Variants in SPTBN2 observed in about 807,000 individuals in gnomAD.
SPTBN2 encodes the protein spectrin beta, non-erythrocytic 2.
In SPTBN2, 107 loss-of-function variants were observed where a neutral mutation model predicts 284.2. The ratio of observed to expected loss-of-function variants is 0.38; its 90% CI spans 0.32 to 0.44. The LOEUF (loss-of-function observed/expected upper bound fraction) is 0.44, where lower values mean the gene tolerates loss of function less well. Among genes scored for constraint, SPTBN2 ranks in the 20% least tolerant of loss-of-function variants. The probability of loss-of-function intolerance (pLI) is 1.00; values close to 1 mark genes in which losing one functional copy is unlikely to be tolerated. For synonymous variants in SPTBN2, 1,289 were observed against 1,354.8 expected, an observed-to-expected ratio of 0.95 and a Z score of 1.07; for missense variants, 2,569 against 3,287.1, an observed-to-expected ratio of 0.78 and a Z score of 5.34.
Position 66,700,999 on chromosome 11 carries a change from C to T in SPTBN2, c.3100G>A (p.Val1034Met), listed in dbSNP as rs1941211717. Residue 1034 changes from valine (V) to methionine (M), a missense_variant, in exon 17 of 38, where the codon GTG becomes ATG. By Grantham distance (21) the Val-to-Met change is conservative (BLOSUM62 1). Around this residue, in one of 6 missense-constraint regions of SPTBN2, gnomAD observed 1,012 missense variants for 1,248.9 expected, o/e 0.81. Transcript: ENST00000533211. This position sits in a 1 kb window ranked among gnomAD's most constrained non-coding sequence, Gnocchi z 6.6. ...ALAAGHPAQAVAINARLREVQ... is the reference protein window; with the variant it reads ...ALAAGHPAQAMAINARLREVQ... ...TCTCTCAGCCGGGCGTTGATGGCCACTGCCTGAGCGGGATGGCCGGCAGCC... is the reference window on the plus strand; with the variant it reads ...TCTCTCAGCCGGGCGTTGATGGCCATTGCCTGAGCGGGATGGCCGGCAGCC... 1.4e-5 allele frequency: 22 copies of T among 1,607,774 alleles called. No individual in the cohort carries two copies. Among genetic ancestry groups the T allele is most frequent in the Non-Finnish European group, 1.8e-5 (21 of 1,179,816 alleles).
At chr11:66,699,630 C>G (rs1458891215) in intron 17 of SPTBN2, 22 bp from the exon 18 acceptor site, 2 of 1,612,898 alleles carry the variant, frequency 1.2e-6, no homozygotes, top group African/African-American at 2.7e-5. Flanking sequence ...GGATGACATT[C>G]AGCTCATTTT....
At chr11:66,704,551 AC>A in intron 15 of SPTBN2, 46 bp downstream of exon 15, 1 of 910,768 alleles carries the variant, frequency 1.1e-6, no homozygotes, top group Non-Finnish European at 1.6e-6. Context: ...TGGCCCCCCC[AC>A]CCCCACCTCC....
chr11:66,736,370 T>C (rs964786164), intron 1 of SPTBN2, among the ~76,000 whole-genome samples: 12 of 152,344 alleles, frequency 7.9e-5, no homozygotes, highest in South Asian at 2.1e-4. Flanking sequence ...CCAGCACTTA[T>C]TTATGGACGA....
At chr11:66,688,107 C>A in intron 32 of SPTBN2, 28 bp from the exon 33 acceptor site, 1 of 1,613,908 alleles carries the variant, frequency 6.2e-7, no homozygotes, top group South Asian at 1.1e-5. Flanking sequence ...AACACAGAAT[C>A]ATTAGTCCCT....
At chr11:66,739,143 G>A (rs1942877809) in intron 1 of SPTBN2, among the ~76,000 whole-genome samples, 1 of 151,724 alleles carries the variant, frequency 6.6e-6, no homozygotes, top group African/African-American at 2.4e-5. Flanking sequence ...GTCTCATTAT[G>A]TTGTCCAGGC....
rs1171346991 is a variant in SPTBN2, at chr11:66,683,624, CG to C, written c.*2246del. 1.3e-5 allele frequency among the ~76,000 whole-genome samples: 2 copies of C among 152,246 alleles called. No individual in the cohort carries two copies. The highest frequency in any genetic ancestry group is 2.9e-5 in the Non-Finnish European group (2 of 68,046). On this transcript the variant is annotated 3_prime_UTR_variant, in exon 38 of 38. Transcript: ENST00000533211. ...TGCTGCCGCATATGCAGATGCTGCT[CG>C]GGGTCTTCAGTCTCACCTCTCCGTT...
Position 66,688,718 on chromosome 11 carries a change from C to G in SPTBN2, c.6166G>C (p.Glu2056Gln), listed in dbSNP as rs774407429. 1.2e-6 allele frequency: 2 copies of G among 1,613,866 alleles called. No homozygotes were observed. Among genetic ancestry groups the G allele is most frequent in the Non-Finnish European group, 8.5e-7 (1 of 1,180,024 alleles). ...DEVESLIKRH[E>Q]AFQKSAVAWE... is the part of the protein sequence containing the mutation. ...GCCACTGCTGACTTCTGGAAGGCCT[C>G]GTGCCGCTTGATGAGGCTCTCAACT... The change falls in exon 31 of 38, where the codon GAG (glutamate) becomes CAG (glutamine). Residue 2056 changes from glutamate to glutamine, a missense_variant. By Grantham distance (29) the Glu-to-Gln change is conservative (BLOSUM62 2). Transcript: ENST00000533211.
Position 66,698,633 on chromosome 11 carries a change from G to A in SPTBN2, c.4014+6C>T, listed in dbSNP as rs760757870. ...GCCCAGAGGCAGCCCCCACAGCACT[G>A]CTCACCTTGTCCACCTTGTCCAGCC... is the stretch of plus-strand genomic sequence containing the variant. On this transcript the variant is annotated splice_donor_region_variant and intron_variant, in intron 20 of 37. Transcript: ENST00000533211. 5 of 1,614,100 alleles carry A rather than the reference G, an allele frequency of 3.1e-6. No homozygotes were observed. In the East Asian group the frequency reaches 8.9e-5, roughly 29 times the overall value.
Position 66,689,791 on chromosome 11 carries a change from C to CA in SPTBN2, c.5949+13dup. ...GCACAGTGAGAATGGCCCGGCCACC[C>CA]AGGCCTCACCCACCTCCTCGGCCGC... On this transcript the variant is annotated intron_variant, in intron 29 of 37. Coordinates refer to ENST00000533211, the MANE Select transcript of SPTBN2 (RefSeq NM_006946.4). The CA allele has an allele frequency of 1.2e-6, 2 of 1,612,894 alleles. No individual in the cohort carries two copies. Among genetic ancestry groups the CA allele is most frequent in the Non-Finnish European group, 1.7e-6 (2 of 1,180,042 alleles).
At position 66,708,021 on chromosome 11, in the gene SPTBN2, T is replaced by C; in HGVS notation, c.1350+120A>G. 1 of 1,536,540 alleles carries C rather than the reference T, an allele frequency of 6.5e-7. No individual in the cohort carries two copies. Among genetic ancestry groups the C allele is most frequent in the Non-Finnish European group, 8.9e-7 (1 of 1,117,708 alleles). ...CCCCTGGCTCCCGGACCTCTAGGCC[T>C]TTTTACCCAGGTGACGGATTTTGTG... is the stretch of plus-strand genomic sequence containing the variant. On this transcript the variant is annotated intron_variant, in intron 12 of 37. Transcript: ENST00000533211. This position sits in a 1 kb window ranked among gnomAD's most constrained non-coding sequence, Gnocchi z 4.4.
chr11:66,687,625 G>A lies in SPTBN2; in HGVS notation c.6524C>T (p.Ala2175Val), dbSNP rs562970564. The part of the protein sequence containing the change: ...EGPGPGSGDE[A>V]NGPRGERQTR... Reference sequence around the variant, plus strand: ...CTGCCTCTCTCCCCGGGGCCCATTGGCTTCGTCCCCTGAGCCAGGTCCCTG... The same window carrying A: ...CTGCCTCTCTCCCCGGGGCCCATTGACTTCGTCCCCTGAGCCAGGTCCCTG... Residue 2175 changes from alanine to valine, a missense_variant, in exon 35 of 38, where the codon GCC becomes GTC. By Grantham distance (64) the Ala-to-Val change is moderately conservative. Transcript: ENST00000533211. This position sits in a 1 kb window ranked among gnomAD's most constrained non-coding sequence, Gnocchi z 5.2. The A allele has an allele frequency of 6.2e-7, 1 of 1,601,052 alleles. No homozygotes were observed. Among genetic ancestry groups the A allele is most frequent in the African/African-American group, 1.3e-5 (1 of 74,770 alleles).
In SPTBN2 at chr11:66,687,226, C is replaced by G; in HGVS notation, c.6723-59G>C. On this transcript the variant is annotated intron_variant, in intron 35 of 37. Coordinates refer to ENST00000533211, the MANE Select transcript of SPTBN2 (RefSeq NM_006946.4). The surrounding 1 kb of genome is among the most constrained non-coding windows in gnomAD (Gnocchi z 5.2). The stretch of plus-strand genomic sequence containing the variant: ...AGTGGCGCCCGCAACCTGGAGCCCT[C>G]TTGGGTGTCCTAGGACTTCCAGTTC... 6.2e-7 allele frequency: 1 copy of G among 1,603,756 alleles called. No individual in the cohort carries two copies. Among genetic ancestry groups the G allele is most frequent in the South Asian group, 1.1e-5 (1 of 90,450 alleles).
Position 66,690,035 on chromosome 11 carries a change from T to C in SPTBN2, c.5810+4A>G, listed in dbSNP as rs377015059. The stretch of plus-strand genomic sequence containing the variant: ...GTGGAGGCCCTGAGCCCTGGGATTC[T>C]CACCGGGGACGCTCCTGGGCATCCA... On this transcript the variant is annotated splice_donor_region_variant and intron_variant, in intron 28 of 37. Transcript: ENST00000533211. 6.2e-7 allele frequency: 1 copy of C among 1,614,114 alleles called. No homozygotes were observed. The highest frequency in any genetic ancestry group is 1.7e-5 in the Admixed American group (1 of 60,018).
At chr11:66,730,668 A>T (rs1942796600), upstream of SPTBN2, among the ~76,000 whole-genome samples, 1 of 152,184 alleles carries the variant, frequency 6.6e-6, no homozygotes, top group Non-Finnish European at 1.5e-5. Context: ...GGTTACGGGA[A>T]CTAAGGGTCT....
chr11:66,742,014 C>A (rs1371111151), intron 1 of SPTBN2, among the ~76,000 whole-genome samples: 2 of 152,012 alleles, frequency 1.3e-5, no homozygotes, highest in African/African-American at 2.4e-5. Flanking sequence ...TAGAGACAGG[C>A]TGTCACTATA....
intron 3 of SPTBN2, among the ~76,000 whole-genome samples, chr11:66,719,412 C>CT (rs1204333654): frequency 6.6e-6 from 1 of 152,228 alleles, no homozygotes; most frequent in Non-Finnish European, 1.5e-5. Flanking sequence ...CTACACTTGC[C>CT]CTTCCTCATC....
chr11:66,698,622 C>T lies in SPTBN2; in HGVS notation c.4014+17G>A. 1.9e-6 allele frequency: 3 copies of T among 1,614,082 alleles called. No individual in the cohort carries two copies. Among genetic ancestry groups the T allele is most frequent in the South Asian group, 2.2e-5 (2 of 91,078 alleles). ...TGGGGGACTCTGCCCAGAGGCAGCC[C>T]CCACAGCACTGCTCACCTTGTCCAC... is the stretch of plus-strand genomic sequence containing the variant. On this transcript the variant is annotated intron_variant, in intron 20 of 37. Transcript: ENST00000533211.
Position 66,684,817 on chromosome 11 carries a change from G to A in SPTBN2, c.*1054C>T, listed in dbSNP as rs1940007186. 6.6e-6 allele frequency among the ~76,000 whole-genome samples: 1 copy of A among 152,030 alleles called. No individual in the cohort carries two copies. Among genetic ancestry groups the A allele is most frequent in the South Asian group, 2.1e-4 (1 of 4,828 alleles). ...CTACTGGAGAGCAGACGGCAAGTGGGGGCAGTAAGCACCCGCTGTGTGCTC... is the reference window on the plus strand; with the variant it reads ...CTACTGGAGAGCAGACGGCAAGTGGAGGCAGTAAGCACCCGCTGTGTGCTC... On this transcript the variant is annotated 3_prime_UTR_variant, in exon 38 of 38. Transcript: ENST00000533211.
At chr11:66,740,024 C>T (rs940562965) in intron 1 of SPTBN2, among the ~76,000 whole-genome samples, 1 of 152,096 alleles carries the variant, frequency 6.6e-6, no homozygotes, top group Non-Finnish European at 1.5e-5. Flanking sequence ...AAGAACAAAA[C>T]TCCTTCAAAA....
Sources: gnomAD v4.1 joint callset for allele counts (sites outside exome capture counted in the v4.1 genomes callset) on GRCh38, gnomAD v4.1.1 for gene constraint, gnomAD v4.1.1 regional missense constraint, Gnocchi (gnomAD v3.1) non-coding constraint, MANE v1.5 for transcripts, NCBI Gene and HGNC (gene_info 2026-07-23, HGNC 2026-07-21) for gene names.